The following HCN1 variants were observed in gnomAD, a reference collection of about 807,000 sequenced individuals.
The protein encoded by HCN1 is potassium/sodium hyperpolarization-activated cyclic nucleotide-gated channel 1.
A neutral mutation model predicts 78.9 loss-of-function variants in HCN1; 13 were observed. The ratio of observed to expected loss-of-function variants is 0.16; its 90% CI spans 0.11 to 0.26. HCN1 has a LOEUF of 0.26. Among genes scored for constraint, HCN1 ranks in the 10% least tolerant of loss-of-function variants. The probability of loss-of-function intolerance (pLI) is 1.00; values close to 1 mark genes in which losing one functional copy is unlikely to be tolerated. For synonymous variants in HCN1, 552 were observed against 455.5 expected, an observed-to-expected ratio of 1.21 and a Z score of -2.70; for missense variants, 810 against 1,154.3, an observed-to-expected ratio of 0.70 and a Z score of 4.32.
rs545164391 is a variant in HCN1, at chr5:45,336,885, T to C, written c.1377+16215A>G. Among the ~76,000 whole-genome samples, 28 of 152,110 alleles carry C rather than the reference T, an allele frequency of 1.8e-4. 1 individual carries two copies. The highest frequency in any genetic ancestry group is 6.5e-4 in the African/African-American group (27 of 41,550). On this transcript the variant is annotated intron_variant, in intron 5 of 7. Transcript: ENST00000303230. ...TTTATAAAAGCACTGATCCCATTCA[T>C]GAGGGCTCCACCCTCATGGCCTAAT...
intron 3 of HCN1, among the ~76,000 whole-genome samples, chr5:45,423,843 T>C (rs1276391698): frequency 6.6e-6 from 1 of 152,194 alleles, no homozygotes; most frequent in Non-Finnish European, 1.5e-5. Context: ...TTAAATTGCA[T>C]ATTTTTATTT....
At chr5:45,366,164 T>TTGTGTGTG (rs10642474) in intron 4 of HCN1, among the ~76,000 whole-genome samples, 2 of 146,900 alleles carry the variant, frequency 1.4e-5, no homozygotes, top group African/African-American at 4.9e-5. Flanking sequence ...ATTATAGCAT[T>TTGTGTGTG]TGTGTGTGTG....
intron 2 of HCN1, among the ~76,000 whole-genome samples, chr5:45,513,982 T>C (rs1742470837): frequency 6.6e-6 from 1 of 152,158 alleles, no homozygotes; most frequent in African/African-American, 2.4e-5. Context: ...CATCAAGCAC[T>C]GATCAACCTC....
intron 3 of HCN1, among the ~76,000 whole-genome samples, chr5:45,433,167 G>A (rs1016542942): frequency 2.0e-5 from 3 of 152,056 alleles, no homozygotes; most frequent in Non-Finnish European, 4.4e-5. Context: ...AGATGGACAC[G>A]TTTGTTGATT....
chr5:45,578,815 AAAG>A (rs1440488559), intron 2 of HCN1, among the ~76,000 whole-genome samples: 1 of 152,076 alleles, frequency 6.6e-6, no homozygotes, highest in African/African-American at 2.4e-5. Flanking sequence ...TTTGCTCTAG[AAAG>A]AAGAGCAAAG....
At chr5:45,519,598 T>C (rs1742575790) in intron 2 of HCN1, among the ~76,000 whole-genome samples, 1 of 151,932 alleles carries the variant, frequency 6.6e-6, no homozygotes, top group African/African-American at 2.4e-5. Flanking sequence ...AAAAGAAATA[T>C]ATGTAGGGTG....
chr5:45,506,813 G>A (rs1742311529), intron 2 of HCN1, among the ~76,000 whole-genome samples: 1 of 151,854 alleles, frequency 6.6e-6, no homozygotes, highest in Non-Finnish European at 1.5e-5. Flanking sequence ...CTTGATTATT[G>A]TATCATAAAA....
Position 45,593,314 on chromosome 5 carries a change from T to C in HCN1, c.849+51871A>G, listed in dbSNP as rs202014473. ...TATTCTCTCTCTCTCTCTCTCTCTC[T>C]CTCTCTCCCTCTCTCTCTCTCTCTC... On this transcript the variant is annotated intron_variant, in intron 2 of 7. Coordinates refer to ENST00000303230, the MANE Select transcript of HCN1 (RefSeq NM_021072.4). Among the ~76,000 whole-genome samples, 279 of 45,564 alleles carry C rather than the reference T, an allele frequency of 6.1e-3. 1 individual carries two copies. In the East Asian group the frequency reaches 0.073, roughly 12 times the overall value. 29.9% of individuals were successfully genotyped at this position (45,564 alleles called of 152,430 possible). A position where few individuals can be genotyped will look rare whatever the true frequency, so the allele number is the denominator to read the frequency against.
chr5:45,306,240 A>C (rs960954841), intron 5 of HCN1, among the ~76,000 whole-genome samples: 1 of 152,122 alleles, frequency 6.6e-6, no homozygotes, highest in African/African-American at 2.4e-5. Context: ...GAATCCCTTC[A>C]TCTTTGTACC....
At chr5:45,443,461 C>T (rs918893377) in intron 3 of HCN1, among the ~76,000 whole-genome samples, 3 of 152,040 alleles carry the variant, frequency 2.0e-5, no homozygotes, top group Non-Finnish European at 2.9e-5. Flanking sequence ...TAACTCTCCT[C>T]TCCAACAGGT....
chr5:45,406,712 A>G (rs1446667194), intron 3 of HCN1, among the ~76,000 whole-genome samples: 2 of 152,188 alleles, frequency 1.3e-5, no homozygotes, highest in African/African-American at 4.8e-5. Flanking sequence ...GAACATAACC[A>G]TAACAGAGAA....
In HCN1 at chr5:45,617,266, A is replaced by G. The variant is rs188270497; in HGVS notation, c.849+27919T>C. The G allele has an allele frequency of 2.6e-5, 4 of 152,194 alleles. No homozygotes were observed. The East Asian group carries it at 5.8e-4, about 22-fold the overall frequency. The allele number at this position is 152,194 out of a possible 1,614,324, so 9.4% of individuals were successfully genotyped here. ...CCTCTGCATTAGTTAGGGTGATGCT[A>G]GGAGTTCAACAACTAAACACTAGTA... is the stretch of plus-strand genomic sequence containing the variant. On this transcript the variant is annotated intron_variant, in intron 2 of 7. Coordinates refer to ENST00000303230, the MANE Select transcript of HCN1 (RefSeq NM_021072.4).
chr5:45,679,732 A>T (rs1199568517), intron 1 of HCN1, among the ~76,000 whole-genome samples: 2 of 152,124 alleles, frequency 1.3e-5, no homozygotes, highest in Admixed American at 1.3e-4. Flanking sequence ...AAAAAATCAC[A>T]TTTAATAAAA....
intron 5 of HCN1, among the ~76,000 whole-genome samples, chr5:45,336,478 T>A (rs1025325887): frequency 2.6e-5 from 4 of 152,034 alleles, no homozygotes; most frequent in Non-Finnish European, 5.9e-5. Context: ...GTGCAGGACG[T>A]ACAGCCTAGC....
intron 2 of HCN1, among the ~76,000 whole-genome samples, chr5:45,581,795 T>A (rs1298935247): frequency 6.6e-6 from 1 of 152,214 alleles, no homozygotes; most frequent in Non-Finnish European, 1.5e-5. Flanking sequence ...CCCCATTGCT[T>A]GTTTTTGTCA....
At chr5:45,293,110 C>G (rs1282935328) in intron 6 of HCN1, among the ~76,000 whole-genome samples, 2 of 151,852 alleles carry the variant, frequency 1.3e-5, no homozygotes, top group East Asian at 3.9e-4. Context: ...TGAGTATATA[C>G]CCAGTAATGG....
intron 3 of HCN1, among the ~76,000 whole-genome samples, chr5:45,461,153 T>C (rs1046198644): frequency 9.9e-5 from 15 of 152,036 alleles, no homozygotes; most frequent in Admixed American, 1.3e-4. Context: ...TTTATAGATA[T>C]ATCAACCAAA....
At chr5:45,603,124 A>G (rs1313823437) in intron 2 of HCN1, among the ~76,000 whole-genome samples, 3 of 152,118 alleles carry the variant, frequency 2.0e-5, no homozygotes, top group Non-Finnish European at 4.4e-5. Flanking sequence ...TTAGGAAGGC[A>G]GGAAAACACA....
chr5:45,621,246 A>T (rs1745055303), intron 2 of HCN1, among the ~76,000 whole-genome samples: 1 of 152,148 alleles, frequency 6.6e-6, no homozygotes, highest in Non-Finnish European at 1.5e-5. Flanking sequence ...AGCAATCTTT[A>T]TTCCAGAAAC....
Sources: allele counts gnomAD v4.1 joint callset (sites outside exome capture counted in the v4.1 genomes callset), GRCh38; gene constraint gnomAD v4.1.1; transcripts MANE v1.5; gene names NCBI Gene and HGNC (gene_info 2026-07-23, HGNC 2026-07-21).